HS6ST2: variants seen among roughly 807,000 people sequenced by gnomAD.
The protein encoded by HS6ST2 is heparan-sulfate 6-O-sulfotransferase 2.
In HS6ST2, 17 loss-of-function variants were observed where a neutral mutation model predicts 33.0. The observed-to-expected ratio is 0.52, with a 90% CI of 0.35 to 0.77. HS6ST2 has a LOEUF of 0.77. HS6ST2 is among the 30% of genes least tolerant of loss of function. HS6ST2 has a pLI of 0.01. For synonymous variants in HS6ST2, 248 were observed against 237.1 expected (o/e 1.05, Z -0.42); for missense variants, 519 against 551.7 (o/e 0.94, Z 0.59).
chrX:132,866,032 T>C (rs1237073200), intron 2 of HS6ST2, among the ~76,000 whole-genome samples: 1 of 111,601 alleles, frequency 9.0e-6, no homozygotes, highest in Non-Finnish European at 1.9e-5. Context: ...GCTTTTGGTG[T>C]TTTAGACATG....
At chrX:132,780,944 C>T (rs2065012161) in intron 2 of HS6ST2, among the ~76,000 whole-genome samples, 1 of 107,877 alleles carries the variant, frequency 9.3e-6, no homozygotes, top group African/African-American at 3.4e-5. Flanking sequence ...TGTTATTATC[C>T]ACCATATACC....
At chrX:132,811,061 G>A (rs925005510) in intron 2 of HS6ST2, among the ~76,000 whole-genome samples, 2 of 112,452 alleles carry the variant, frequency 1.8e-5, no homozygotes, top group Admixed American at 1.9e-4. Context: ...TTGTGAATCC[G>A]CATTTTTAAC....
Position 132,955,692 on chromosome X carries a change from G to A in HS6ST2, c.947+1116C>T, listed in dbSNP as rs149981254. ...CTTCAGCCCAGATTTGTTTTAAGGAGACTTGCGAAACAGTAGCCCTGGCTG... is the reference window on the plus strand; with the variant it reads ...CTTCAGCCCAGATTTGTTTTAAGGAAACTTGCGAAACAGTAGCCCTGGCTG... On this transcript the variant is annotated intron_variant, in intron 2 of 4. Coordinates refer to ENST00000370833, the MANE Select transcript of HS6ST2 (RefSeq NM_001394073.1). Among the ~76,000 whole-genome samples, 252 of 111,879 alleles carry A rather than the reference G, an allele frequency of 2.3e-3. 3 individuals carry two copies. In the East Asian group the frequency reaches 0.034, roughly 15 times the overall value.
intron 2 of HS6ST2, among the ~76,000 whole-genome samples, chrX:132,926,491 T>C (rs973959403): frequency 6.2e-5 from 7 of 112,769 alleles, no homozygotes; most frequent in Non-Finnish European, 1.3e-4. Context: ...CTTCCAATCC[T>C]GTCTGTTTAG....
chrX:132,707,570 T>C (rs888562588), intron 3 of HS6ST2, among the ~76,000 whole-genome samples: 5 of 111,985 alleles, frequency 4.5e-5, no homozygotes, highest in Non-Finnish European at 1.9e-5. Context: ...GTCTTTGCTC[T>C]TGCTAACCTA....
chrX:132,881,562 T>C (rs1213820289), intron 2 of HS6ST2, among the ~76,000 whole-genome samples: 6 of 111,257 alleles, frequency 5.4e-5, no homozygotes, highest in Non-Finnish European at 9.5e-5. Flanking sequence ...AATTTTCTCC[T>C]ATTCTGTAGG....
chrX:132,923,062 C>CAAAA (rs34136355), intron 2 of HS6ST2, among the ~76,000 whole-genome samples: 8 of 47,609 alleles, frequency 1.7e-4, no homozygotes, highest in African/African-American at 4.1e-4. Flanking sequence ...GACTCTGTCT[C>CAAAA]AAAAAAAAAA....
At chrX:132,929,502 A>G (rs1007901318) in intron 2 of HS6ST2, among the ~76,000 whole-genome samples, 1 of 110,172 alleles carries the variant, frequency 9.1e-6, no homozygotes, top group East Asian at 2.9e-4. Flanking sequence ...CAAGCAAAAG[A>G]AGGCACTGAA....
intron 2 of HS6ST2, among the ~76,000 whole-genome samples, chrX:132,953,715 G>T (rs2067039397): frequency 8.9e-6 from 1 of 112,324 alleles, no homozygotes; most frequent in Non-Finnish European, 1.9e-5. Flanking sequence ...CCTATCCCCA[G>T]TGAATAGAAA....
intron 2 of HS6ST2, among the ~76,000 whole-genome samples, chrX:132,936,787 A>G (rs2066827465): frequency 9.1e-6 from 1 of 110,336 alleles, no homozygotes; most frequent in Non-Finnish European, 1.9e-5. Context: ...TCATTTGTAC[A>G]CCAAACCCCA....
At chrX:132,903,429 A>C (rs1324631133) in intron 2 of HS6ST2, among the ~76,000 whole-genome samples, 1 of 112,044 alleles carries the variant, frequency 8.9e-6, no homozygotes, top group Non-Finnish European at 1.9e-5. Flanking sequence ...CTTTGCAGAA[A>C]TCAATGAGTT....
intron 2 of HS6ST2, among the ~76,000 whole-genome samples, chrX:132,779,900 G>A (rs1286480165): frequency 1.8e-5 from 2 of 110,828 alleles, no homozygotes; most frequent in Non-Finnish European, 3.8e-5. Context: ...TGGCACAGTC[G>A]TAATTCTAAC....
At position 132,951,174 on chromosome X, in the gene HS6ST2, C is replaced by G. The variant is rs371630017; in HGVS notation, c.947+5634G>C. ...TCCAGACTAGATATCAGGGAGATAG[C>G]TTTACCTAGACTCCGACCTTTATTT... is the stretch of plus-strand genomic sequence containing the variant. On this transcript the variant is annotated intron_variant, in intron 2 of 4. Transcript: ENST00000370833. Among the ~76,000 whole-genome samples, 5 of 111,432 alleles carry G rather than the reference C, an allele frequency of 4.5e-5. No individual in the cohort carries two copies. The East Asian group carries it at 1.4e-3, about 32-fold the overall frequency.
chrX:132,900,578 T>C (rs756939689), intron 2 of HS6ST2, among the ~76,000 whole-genome samples: 18 of 110,969 alleles, frequency 1.6e-4, no homozygotes, highest in Non-Finnish European at 3.0e-4. Context: ...AATAATACTA[T>C]ATTGTACTAT....
chrX:132,882,037 A>G (rs1255829233), intron 2 of HS6ST2, among the ~76,000 whole-genome samples: 2 of 111,442 alleles, frequency 1.8e-5, no homozygotes, highest in Non-Finnish European at 3.8e-5. Flanking sequence ...GCCTTGTAGT[A>G]TAGTTTGATG....
intron 2 of HS6ST2, among the ~76,000 whole-genome samples, chrX:132,849,630 A>C (rs2065783718): frequency 8.9e-6 from 1 of 112,174 alleles, no homozygotes; most frequent in Non-Finnish European, 1.9e-5. Flanking sequence ...ACTTGGTGAC[A>C]TTAAAATGTC....
intron 2 of HS6ST2, among the ~76,000 whole-genome samples, chrX:132,879,752 TG>T (rs2066146098): frequency 8.9e-6 from 1 of 112,135 alleles, no homozygotes; most frequent in South Asian, 3.7e-4. Context: ...GCCTCTGTTC[TG>T]GGTACTGGAA....
chrX:132,954,000 C>T (rs958680903), intron 2 of HS6ST2, among the ~76,000 whole-genome samples: 5 of 111,991 alleles, frequency 4.5e-5, no homozygotes, highest in African/African-American at 1.6e-4. Context: ...CCTGCTGTGC[C>T]GCTAAAAAAA....
At chrX:132,763,031 A>T (rs1483191724) in intron 2 of HS6ST2, among the ~76,000 whole-genome samples, 2 of 112,013 alleles carry the variant, frequency 1.8e-5, no homozygotes, top group East Asian at 5.6e-4. Context: ...TGTTGTGAAG[A>T]TTAAATTAAA....
Sources: gnomAD v4.1 joint callset for allele counts (sites outside exome capture counted in the v4.1 genomes callset) on GRCh38, gnomAD v4.1.1 for gene constraint, MANE v1.5 for transcripts, NCBI Gene and HGNC (gene_info 2026-07-23, HGNC 2026-07-21) for gene names.